The following SLC45A2 variants were observed in gnomAD, a reference collection of about 807,000 sequenced individuals.
SLC45A2 encodes the protein solute carrier family 45 member 2, also known as membrane-associated transporter protein.
A neutral mutation model predicts 45.5 loss-of-function variants in SLC45A2; 36 were observed. The observed-to-expected ratio is 0.79, with a 90% CI of 0.61 to 1.04. The LOEUF (loss-of-function observed/expected upper bound fraction) is 1.04. SLC45A2 is among the 50% of genes least tolerant of loss of function. The probability of loss-of-function intolerance (pLI) is 0.00; values close to 1 mark genes in which losing one functional copy is unlikely to be tolerated. For synonymous variants in SLC45A2, 306 were observed against 269.3 expected, an observed-to-expected ratio of 1.14 and a Z score of -1.33; for missense variants, 719 against 671.0, an observed-to-expected ratio of 1.07 and a Z score of -0.79.
intron 5 of SLC45A2, among the ~76,000 whole-genome samples, chr5:33,949,456 G>T (rs998628621): frequency 6.6e-6 from 1 of 152,192 alleles, no homozygotes; most frequent in African/African-American, 2.4e-5. Flanking sequence ...GAAACTAAAA[G>T]CAGTGGCAAA....
chr5:33,978,416 C>T (rs1226775600), intron 2 of SLC45A2, among the ~76,000 whole-genome samples: 1 of 151,948 alleles, frequency 6.6e-6, no homozygotes, highest in Non-Finnish European at 1.5e-5. Flanking sequence ...AACCTCCTTC[C>T]CTTACCAGTT....
chr5:33,951,436 T>G (rs762010152), intron 5 of SLC45A2, 118 bp downstream of exon 5: 54 of 1,598,684 alleles, frequency 3.4e-5, no homozygotes, highest in Non-Finnish European at 3.9e-5. Flanking sequence ...CTGACGTCCA[T>G]AGATTTATTA....
At chr5:33,970,921 T>A in intron 2 of SLC45A2, 1 of 401,124 alleles carries the variant, frequency 2.5e-6, no homozygotes, top group Non-Finnish European at 4.9e-6. Context: ...CCAGAGTGCA[T>A]GGAGATGGGC....
In SLC45A2 at chr5:33,947,322, C is replaced by T. The variant is rs751793028; in HGVS notation, c.1209G>A (p.Thr403=). The T allele has an allele frequency of 1.7e-5, 27 of 1,614,050 alleles. No homozygotes were observed. The highest frequency in any genetic ancestry group is 4.4e-5 in the South Asian group (4 of 91,078). ...SYIGLKGLYF[T]GYLLFGLGTG... is the part of the protein sequence containing the mutation. ...TCCCCAGGCCAAACAGCAAATATCC[C>T]GTGAAGTAAAGACCCTTTAATCCAA... Residue 403 remains threonine (T), a synonymous_variant, in exon 6 of 7, where the codon ACG becomes ACA. Coordinates refer to ENST00000296589, the MANE Select transcript of SLC45A2 (RefSeq NM_016180.5).
chr5:33,961,211 T>C lies in SLC45A2; in HGVS notation c.888+2480A>G, dbSNP rs117527092. On this transcript the variant is annotated intron_variant, in intron 3 of 6. Transcript: ENST00000296589. ...TAAACCCTCCTGGGTACCTCTTTAT[T>C]CCCTGTAGTCAGCAGCTGGATTAAT... 2.9e-4 allele frequency among the ~76,000 whole-genome samples: 44 copies of C among 152,230 alleles called. 1 individual carries two copies. In the East Asian group the frequency reaches 8.1e-3, roughly 28 times the overall value.
rs867930250 is a variant in SLC45A2, at chr5:33,946,426, T to G, written c.1368+737A>C. The G allele has an allele frequency of 9.1e-6, 9 of 985,634 alleles. 1 individual carries two copies. In the African/African-American group the frequency reaches 1.2e-4, roughly 13 times the overall value. 61.1% of individuals were successfully genotyped at this position (985,634 alleles called of 1,614,324 possible). On this transcript the variant is annotated intron_variant, in intron 6 of 6. Transcript: ENST00000296589. ...CTTGGAGTTATCTCTGTAGCTTTTA[T>G]ATCATTGCTCCAGTTAAGGAACTAT...
At chr5:33,950,950 G>C (rs1266049539) in intron 5 of SLC45A2, among the ~76,000 whole-genome samples, 1 of 152,154 alleles carries the variant, frequency 6.6e-6, no homozygotes, top group East Asian at 1.9e-4. Flanking sequence ...ACAGCCACCT[G>C]GACTTACATA....
intron 2 of SLC45A2, among the ~76,000 whole-genome samples, chr5:33,966,769 G>A (rs891556400): frequency 6.6e-6 from 1 of 152,172 alleles, no homozygotes; most frequent in Non-Finnish European, 1.5e-5. Flanking sequence ...AAAGTTATAA[G>A]AGTTCAATAT....
rs66961145 is a variant in SLC45A2, at chr5:33,969,065, C to CTG, written c.563-5051_563-5050dup. Among the ~76,000 whole-genome samples the CTG allele has an allele frequency of 2.5e-3, 256 of 102,410 alleles. 1 individual carries two copies. Among genetic ancestry groups the CTG allele is most frequent in the African/African-American group, 6.6e-3 (178 of 27,020 alleles). 67.2% of individuals were successfully genotyped at this position (102,410 alleles called of 152,430 possible). On this transcript the variant is annotated intron_variant, in intron 2 of 6. Transcript: ENST00000296589. ...AGCTACTCTCTCTCTCTCTCTCTCT[C>CTG]TGTGTGTGTGTGTGTGTGTGTGTGT... is the stretch of plus-strand genomic sequence containing the variant.
At chr5:33,955,385 A>C (rs531169687) in intron 3 of SLC45A2, among the ~76,000 whole-genome samples, 84 of 152,324 alleles carry the variant, frequency 5.5e-4, no homozygotes, top group African/African-American at 1.8e-3. Flanking sequence ...CCTGTGCAGA[A>C]AACCTAGTGC....
intron 3 of SLC45A2, among the ~76,000 whole-genome samples, chr5:33,963,059 A>T (rs1274230894): frequency 6.6e-6 from 1 of 152,254 alleles, no homozygotes; most frequent in Non-Finnish European, 1.5e-5. Context: ...AGCTAATGCA[A>T]CTGAAGAAAT....
chr5:33,983,606 T>G (rs983273841), intron 1 of SLC45A2, among the ~76,000 whole-genome samples: 4 of 152,264 alleles, frequency 2.6e-5, no homozygotes, highest in Non-Finnish European at 5.9e-5. Flanking sequence ...AATGCAACTT[T>G]ATTGTACTAC....
intron 4 of SLC45A2, among the ~76,000 whole-genome samples, chr5:33,953,731 G>A (rs1171983697): frequency 8.8e-6 from 1 of 113,244 alleles, no homozygotes; most frequent in Non-Finnish European, 1.8e-5. Context: ...AATATAAATG[G>A]ACTAAATTCT....
intron 3 of SLC45A2, among the ~76,000 whole-genome samples, chr5:33,958,466 A>G (rs1752341490): frequency 6.6e-6 from 1 of 152,110 alleles, no homozygotes; most frequent in Admixed American, 6.5e-5. Flanking sequence ...AGTAAGATGC[A>G]TTACTCTGTG....
intron 2 of SLC45A2, among the ~76,000 whole-genome samples, chr5:33,980,213 C>G (rs957594752): frequency 1.3e-5 from 2 of 152,116 alleles, no homozygotes; most frequent in Non-Finnish European, 2.9e-5. Flanking sequence ...ACCGAACCCC[C>G]CTCCTACTCC....
At chr5:33,966,432 T>C (rs1752605382) in intron 2 of SLC45A2, among the ~76,000 whole-genome samples, 1 of 141,056 alleles carries the variant, frequency 7.1e-6, no homozygotes, top group Non-Finnish European at 1.5e-5. Flanking sequence ...ACTTTCTTTT[T>C]TTTTTTTTTT....
intron 2 of SLC45A2, among the ~76,000 whole-genome samples, chr5:33,975,338 A>T (rs1176529361): frequency 6.6e-6 from 1 of 152,228 alleles, no homozygotes; most frequent in Non-Finnish European, 1.5e-5. Context: ...GCTAACAGCA[A>T]GGCAATGAAT....
At chr5:33,969,731 C>A (rs1445877242) in intron 2 of SLC45A2, among the ~76,000 whole-genome samples, 1 of 152,132 alleles carries the variant, frequency 6.6e-6, no homozygotes, top group Non-Finnish European at 1.5e-5. Flanking sequence ...GTCTTGCTGC[C>A]TGCTTGATGG....
intron 3 of SLC45A2, among the ~76,000 whole-genome samples, chr5:33,959,009 C>T (rs1752364716): frequency 6.6e-6 from 1 of 152,118 alleles, no homozygotes; most frequent in Non-Finnish European, 1.5e-5. Flanking sequence ...TTGTTTTGTT[C>T]CCCAAATCAC....
Sources: allele counts gnomAD v4.1 joint callset (sites outside exome capture counted in the v4.1 genomes callset), GRCh38; gene constraint gnomAD v4.1.1; transcripts MANE v1.5; gene names NCBI Gene and HGNC (gene_info 2026-07-23, HGNC 2026-07-21).